The following PARD3B variants were observed in gnomAD, a reference collection of about 807,000 sequenced individuals.
PARD3B encodes par-3 family cell polarity regulator beta.
PARD3B carries 103 observed loss-of-function variants against 130.2 expected under a neutral mutation model. The ratio of observed to expected loss-of-function variants is 0.79; its 90% CI spans 0.67 to 0.93. The LOEUF is 0.93. Among genes scored for constraint, PARD3B ranks in the 40% least tolerant of loss-of-function variants. The pLI is 0.00. For missense variants in PARD3B, 1,609 were observed against 1,499.2 expected (o/e 1.07, Z -1.21); for synonymous variants, 583 against 553.2 (o/e 1.05, Z -0.76).
chr2:205,271,354 T>G (rs759497659), intron 16 of PARD3B, among the ~76,000 whole-genome samples: 10 of 152,226 alleles, frequency 6.6e-5, no homozygotes, highest in African/African-American at 9.6e-5. Flanking sequence ...TGGATGATGG[T>G]GGGACACCCC....
chr2:204,798,252 G>A (rs1356800296), intron 2 of PARD3B, among the ~76,000 whole-genome samples: 3 of 152,102 alleles, frequency 2.0e-5, no homozygotes, highest in Admixed American at 6.5e-5. Context: ...GAGAGAGAAC[G>A]CGGTTCCTTT....
intron 1 of PARD3B, among the ~76,000 whole-genome samples, chr2:204,668,992 T>C (rs1419583449): frequency 6.6e-6 from 1 of 152,040 alleles, no homozygotes; most frequent in Non-Finnish European, 1.5e-5. Flanking sequence ...CTTCAGAAGG[T>C]AGAAAAAGCA....
At chr2:204,736,729 G>A (rs1397485633) in intron 2 of PARD3B, among the ~76,000 whole-genome samples, 3 of 152,166 alleles carry the variant, frequency 2.0e-5, no homozygotes, top group Non-Finnish European at 2.9e-5. Context: ...GAATTGTGCT[G>A]CTGTAAACAT....
intron 1 of PARD3B, among the ~76,000 whole-genome samples, chr2:204,644,743 C>G (rs2035213873): frequency 6.6e-6 from 1 of 151,990 alleles, no homozygotes. Context: ...TATTAGAATA[C>G]ACTGAATCCC....
intron 16 of PARD3B, among the ~76,000 whole-genome samples, chr2:205,259,722 GT>G (rs2040228955): frequency 6.6e-6 from 1 of 152,030 alleles, no homozygotes; most frequent in Admixed American, 6.6e-5. Flanking sequence ...AACTGTATGT[GT>G]TAAATCCTTT....
chr2:205,549,142 A>G (rs1020030206), intron 21 of PARD3B, among the ~76,000 whole-genome samples: 2 of 152,210 alleles, frequency 1.3e-5, no homozygotes, highest in African/African-American at 4.8e-5. Context: ...GAAGTGGAAC[A>G]CGGGGAACTC....
chr2:204,598,387 A>T (rs2033380299), intron 1 of PARD3B, among the ~76,000 whole-genome samples: 1 of 152,076 alleles, frequency 6.6e-6, no homozygotes, highest in South Asian at 2.1e-4. Flanking sequence ...ATCCTTTAGA[A>T]CTCAAGACTA....
intron 2 of PARD3B, among the ~76,000 whole-genome samples, chr2:204,893,799 T>C (rs2046538233): frequency 6.6e-6 from 1 of 152,176 alleles, no homozygotes; most frequent in East Asian, 1.9e-4. Flanking sequence ...GCTACCATAC[T>C]GAATAGCTCA....
Position 205,158,372 on chromosome 2 carries a change from C to T in PARD3B, c.1435-350C>T, listed in dbSNP as rs1044369700. Among the ~76,000 whole-genome samples, 4 of 152,174 alleles carry T rather than the reference C, an allele frequency of 2.6e-5. No individual in the cohort carries two copies. The highest frequency in any genetic ancestry group is 5.9e-5 in the Non-Finnish European group (4 of 68,040). On this transcript the variant is annotated intron_variant, in intron 10 of 22. Coordinates refer to ENST00000406610, the MANE Select transcript of PARD3B (RefSeq NM_001302769.2). This position sits in a 1 kb window ranked among gnomAD's most constrained non-coding sequence, Gnocchi z 5.4. ...TATCTCTAAGATCTCTTCTGATACCCAGGGCACCCTAAGTCTAATGTCCAG... is the reference window on the plus strand; with the variant it reads ...TATCTCTAAGATCTCTTCTGATACCTAGGGCACCCTAAGTCTAATGTCCAG...
chr2:205,342,006 C>T lies in PARD3B; in HGVS notation c.2630+40305C>T, dbSNP rs148103258. ...AACAGCATTGCATATGACTGTATTTCTCCAGTTTTAAAAATTACTCATTGT... is the reference window on the plus strand; with the variant it reads ...AACAGCATTGCATATGACTGTATTTTTCCAGTTTTAAAAATTACTCATTGT... On this transcript the variant is annotated intron_variant, in intron 18 of 22. Coordinates refer to ENST00000406610, the MANE Select transcript of PARD3B (RefSeq NM_001302769.2). Among the ~76,000 whole-genome samples the T allele has an allele frequency of 6.2e-3, 951 of 152,174 alleles. 3 individuals are homozygous for T. The highest frequency in any genetic ancestry group is 9.5e-3 in the Non-Finnish European group (644 of 67,966).
At chr2:205,469,310 C>T (rs1011128092) in intron 20 of PARD3B, among the ~76,000 whole-genome samples, 3 of 152,152 alleles carry the variant, frequency 2.0e-5, no homozygotes, top group Admixed American at 6.5e-5. Flanking sequence ...TATAACTTGT[C>T]TTGCCTCCTA....
At chr2:205,115,328 T>C (rs1167877132) in intron 6 of PARD3B, among the ~76,000 whole-genome samples, 1 of 152,174 alleles carries the variant, frequency 6.6e-6, no homozygotes, top group Admixed American at 6.5e-5. Context: ...AGTGTTCTTT[T>C]TTATAACCTT....
Position 205,077,775 on chromosome 2 carries a change from A to G in PARD3B, c.505-26651A>G, listed in dbSNP as rs549594780. On this transcript the variant is annotated intron_variant, in intron 4 of 22. Transcript: ENST00000406610. ...TTTTTTGATTATAGAACACATGAGCATTAAGAAATAGCACTTATTTAAAAG... is the reference window on the plus strand; with the variant it reads ...TTTTTTGATTATAGAACACATGAGCGTTAAGAAATAGCACTTATTTAAAAG... 4.6e-5 allele frequency among the ~76,000 whole-genome samples: 7 copies of G among 152,322 alleles called. No individual in the cohort carries two copies. The East Asian group carries it at 1.4e-3, about 29-fold the overall frequency.
chr2:204,715,101 T>C (rs1229967456), intron 2 of PARD3B, among the ~76,000 whole-genome samples: 1 of 152,172 alleles, frequency 6.6e-6, no homozygotes, highest in Non-Finnish European at 1.5e-5. Flanking sequence ...ACTGTTTGTA[T>C]TGAGGTTGTA....
chr2:205,529,332 G>A (rs1160075434), intron 21 of PARD3B, among the ~76,000 whole-genome samples: 2 of 152,178 alleles, frequency 1.3e-5, no homozygotes, highest in Admixed American at 1.3e-4. Context: ...GATCCATCAG[G>A]ATATTTTTTA....
Position 205,300,130 on chromosome 2 carries a change from GTGTC to G in PARD3B, c.2186-396_2186-393del, listed in dbSNP as rs1480444666. 6.6e-6 allele frequency among the ~76,000 whole-genome samples: 1 copy of G among 152,156 alleles called. No individual in the cohort carries two copies. The highest frequency in any genetic ancestry group is 1.5e-5 in the Non-Finnish European group (1 of 68,006). On this transcript the variant is annotated intron_variant, in intron 16 of 22. Coordinates refer to ENST00000406610, the MANE Select transcript of PARD3B (RefSeq NM_001302769.2). The surrounding 1 kb of genome is among the most constrained non-coding windows in gnomAD (Gnocchi z 4.1). ...TTAGGTGCTTGGTATGTTTGTGTGT[GTGTC>G]TGTGAGTATGCATGTGTGTATGTGG...
rs1294452040 is a variant in PARD3B, at chr2:205,193,255, G to T, written c.2075G>T (p.Arg692Ile). The change falls in exon 15 of 23, where the codon AGA becomes ATA. Residue 692 changes from arginine to isoleucine, a missense_variant. Coordinates refer to ENST00000406610, the MANE Select transcript of PARD3B (RefSeq NM_001302769.2). ...TTTCCAGATCAGCACATCAACTTCA[G>T]ATCTGTGACACCGGCCAGGCAGCCT... ...VYFPDQHINF[R>I]SVTPARQPES... is the part of the protein sequence containing the mutation. 6.2e-7 allele frequency: 1 copy of T among 1,613,788 alleles called. No individual in the cohort carries two copies. Among genetic ancestry groups the T allele is most frequent in the South Asian group, 1.1e-5 (1 of 91,068 alleles).
intron 1 of PARD3B, among the ~76,000 whole-genome samples, chr2:204,578,269 G>C (rs886339247): frequency 1.3e-5 from 2 of 152,174 alleles, no homozygotes; most frequent in African/African-American, 2.4e-5. Context: ...TACATAGGGA[G>C]CGTCTTGGCT....
At chr2:204,782,444 A>G (rs1337847389) in intron 2 of PARD3B, among the ~76,000 whole-genome samples, 2 of 151,356 alleles carry the variant, frequency 1.3e-5, no homozygotes, top group African/African-American at 4.8e-5. Flanking sequence ...CACATTACAC[A>G]TAAGTATTAT....
Sources: gnomAD v4.1 joint callset for allele counts (sites outside exome capture counted in the v4.1 genomes callset) on GRCh38, gnomAD v4.1.1 for gene constraint, Gnocchi (gnomAD v3.1) non-coding constraint, MANE v1.5 for transcripts, NCBI Gene and HGNC (gene_info 2026-07-23, HGNC 2026-07-21) for gene names.